The following CYP4X1 variants were observed in gnomAD, a reference collection of about 807,000 sequenced individuals.
CYP4X1 encodes the protein cytochrome P450 4X1.
In CYP4X1, 44 loss-of-function variants were observed where a neutral mutation model predicts 57.9. The observed-to-expected ratio is 0.76, with a 90% confidence interval of 0.60 to 0.98. The LOEUF is 0.98. Ranked by LOEUF, CYP4X1 falls within the 50% of genes least tolerant of loss-of-function variation. The pLI is 0.00. For missense variants in CYP4X1, 532 were observed against 623.9 expected (o/e 0.85, Z 1.57); for synonymous variants, 227 against 228.6 (o/e 0.99, Z 0.06).
intron 6 of CYP4X1, 31 bp downstream of exon 6, chr1:47,036,202 A>G: frequency 6.3e-7 from 1 of 1,584,304 alleles, no homozygotes; most frequent in South Asian, 1.1e-5. Context: ...GCCCACGTCC[A>G]TACGCTGCCA....
chr1:46,964,657 G>T, the CYP4X1 span, among the ~76,000 whole-genome samples: 5 of 152,174 alleles, frequency 3.3e-5, no homozygotes, highest in Non-Finnish European at 5.9e-5. Context: ...CCTACTGGGG[G>T]TGCCTCCCAG....
At chr1:46,980,644 G>C in the CYP4X1 span, among the ~76,000 whole-genome samples, 1 of 152,060 alleles carries the variant, frequency 6.6e-6, no homozygotes, top group African/African-American at 2.4e-5. Context: ...AAGTTCATAT[G>C]GAACCAAAAA....
At chr1:46,982,434 G>A in the CYP4X1 span, among the ~76,000 whole-genome samples, 5 of 152,188 alleles carry the variant, frequency 3.3e-5, no homozygotes, top group Non-Finnish European at 7.3e-5. Flanking sequence ...TGGATGTAGC[G>A]AGACACTCTG....
the CYP4X1 span, among the ~76,000 whole-genome samples, chr1:47,005,984 C>A: frequency 2.6e-5 from 4 of 152,172 alleles, no homozygotes; most frequent in African/African-American, 7.2e-5. Flanking sequence ...TTTAGGTGAG[C>A]ACCTGATGTT....
At chr1:46,973,382 T>C in the CYP4X1 span, among the ~76,000 whole-genome samples, 1 of 152,026 alleles carries the variant, frequency 6.6e-6, no homozygotes, top group Non-Finnish European at 1.5e-5. Context: ...ATTGGCCTGA[T>C]GTTTTCTTTT....
At chr1:47,046,341 C>A in intron 8 of CYP4X1, 126 bp from the exon 9 acceptor site, 1 of 1,299,984 alleles carries the variant, frequency 7.7e-7, no homozygotes, top group Non-Finnish European at 1.1e-6. Flanking sequence ...TTTTAACATT[C>A]TGTTACATAA....
At chr1:47,053,368 T>C (rs371749766), downstream of CYP4X1, among the ~76,000 whole-genome samples, 1 of 152,108 alleles carries the variant, frequency 6.6e-6, no homozygotes, top group Non-Finnish European at 1.5e-5. Context: ...AATAGTGCCA[T>C]AATAAACATA....
chr1:47,017,991 G>A, the CYP4X1 span, among the ~76,000 whole-genome samples: 9 of 152,238 alleles, frequency 5.9e-5, no homozygotes, highest in East Asian at 1.7e-3. Context: ...AATTTTGGGG[G>A]TTCACATAAC....
At chr1:47,035,621 G>T (rs1158213913) in intron 4 of CYP4X1, among the ~76,000 whole-genome samples, 185 bp from the exon 5 acceptor site, 1 of 152,140 alleles carries the variant, frequency 6.6e-6, no homozygotes, top group Non-Finnish European at 1.5e-5. Flanking sequence ...ACTCCGCTGG[G>T]TGTATTTTTC....
chr1:46,966,873 G>T, the CYP4X1 span, among the ~76,000 whole-genome samples: 1 of 152,334 alleles, frequency 6.6e-6, no homozygotes, highest in African/African-American at 2.4e-5. Context: ...TGAGGGAAAG[G>T]TTAATGTACT....
At chr1:46,976,599 T>A in the CYP4X1 span, among the ~76,000 whole-genome samples, 1 of 152,222 alleles carries the variant, frequency 6.6e-6, no homozygotes, top group African/African-American at 2.4e-5. Flanking sequence ...GAGCAATGGT[T>A]CTCCCAGCAT....
chr1:47,054,356 G>T (rs1027712424), downstream of CYP4X1, among the ~76,000 whole-genome samples: 23 of 152,140 alleles, frequency 1.5e-4, 1 homozygote, highest in South Asian at 1.9e-3. Flanking sequence ...GTAGCATGAT[G>T]CCTCCAGCTT....
the CYP4X1 span, among the ~76,000 whole-genome samples, chr1:46,991,198 C>T: frequency 6.6e-6 from 1 of 152,140 alleles, no homozygotes; most frequent in African/African-American, 2.4e-5. Flanking sequence ...AGAAGCCCTA[C>T]ACTTCAAAGA....
intron 1 of CYP4X1, among the ~76,000 whole-genome samples, chr1:47,024,417 A>T (rs776079915): frequency 1.8e-4 from 28 of 152,208 alleles, no homozygotes; most frequent in Non-Finnish European, 3.5e-4. Context: ...CATTTTAACA[A>T]GAGAAAATTT....
chr1:46,982,130 T>TA, the CYP4X1 span, among the ~76,000 whole-genome samples: 75 of 152,140 alleles, frequency 4.9e-4, no homozygotes, highest in African/African-American at 1.6e-3. Flanking sequence ...TAAAATATAA[T>TA]AAAAAAAGAA....
intron 4 of CYP4X1, 135 bp downstream of exon 4, chr1:47,033,503 A>T: frequency 5.5e-6 from 6 of 1,095,580 alleles, no homozygotes; most frequent in African/African-American, 1.6e-5. Flanking sequence ...GTACTTATTG[A>T]ACAATAGGTG....
intron 1 of CYP4X1, among the ~76,000 whole-genome samples, chr1:47,024,847 C>G (rs937386078): frequency 1.3e-5 from 2 of 152,186 alleles, no homozygotes; most frequent in African/African-American, 4.8e-5. Context: ...GGAAGGCATT[C>G]CAGCAGAGCT....
rs1644027712 is a variant in CYP4X1 at position 47,023,850 on chromosome 1, G to A, written c.33G>A (p.Ala11=). The A allele has an allele frequency of 6.2e-7, 1 of 1,613,456 alleles. No homozygotes were observed. Among genetic ancestry groups the A allele is most frequent in the Non-Finnish European group, 8.5e-7 (1 of 1,179,938 alleles). Residue 11 remains alanine (A), a synonymous_variant, in exon 1 of 12, where the codon GCG becomes GCA. Coordinates refer to ENST00000371901, the MANE Select transcript of CYP4X1 (RefSeq NM_178033.2). ...TCTCCTGGCTGGAGACGCGCTGGGCGCGGCCCTTTTACCTGGCGTTCGTGT... is the reference window on the plus strand; with the variant it reads ...TCTCCTGGCTGGAGACGCGCTGGGCACGGCCCTTTTACCTGGCGTTCGTGT... MEFSWLETRW[A]RPFYLAFVFC...
downstream of CYP4X1, among the ~76,000 whole-genome samples, chr1:47,052,369 A>G (rs78127058): frequency 1.3e-5 from 2 of 152,160 alleles, no homozygotes; most frequent in Non-Finnish European, 2.9e-5. Flanking sequence ...AATATACCTT[A>G]TATTTCTGTC....
Sources: allele counts gnomAD v4.1 joint callset (sites outside exome capture counted in the v4.1 genomes callset), GRCh38; gene constraint gnomAD v4.1.1; transcripts MANE v1.5; gene names NCBI Gene and HGNC (gene_info 2026-07-23, HGNC 2026-07-21).